The following PDE4D variants were observed in gnomAD, a reference collection of about 807,000 sequenced individuals.
The protein encoded by PDE4D is 3',5'-cyclic-AMP phosphodiesterase 4D.
In PDE4D, 24 loss-of-function variants were observed where a neutral mutation model predicts 87.4. The observed-to-expected ratio is 0.27, with a 90% CI of 0.20 to 0.39. The LOEUF (loss-of-function observed/expected upper bound fraction) is 0.39. Among genes scored for constraint, PDE4D ranks in the 10% least tolerant of loss-of-function variants. The pLI is 1.00. For missense variants in PDE4D, 714 were observed against 1,041.0 expected (o/e 0.69, Z 4.32); for synonymous variants, 384 against 383.2 (o/e 1.00, Z -0.02).
intron 1 of PDE4D, among the ~76,000 whole-genome samples, chr5:59,696,463 GAAAA>G (rs1465022573): frequency 2.0e-4 from 31 of 152,174 alleles, no homozygotes; most frequent in Non-Finnish European, 1.2e-4. Flanking sequence ...TATACAGCAT[GAAAA>G]AAAGTGACAA....
At chr5:59,302,001 T>G (rs964825599) in intron 1 of PDE4D, among the ~76,000 whole-genome samples, 1 of 152,126 alleles carries the variant, frequency 6.6e-6, no homozygotes, top group African/African-American at 2.4e-5. Context: ...AGTTTGGCCT[T>G]CCTTCGGGGA....
chr5:59,696,879 G>A (rs1751860187), intron 1 of PDE4D, among the ~76,000 whole-genome samples: 1 of 152,092 alleles, frequency 6.6e-6, no homozygotes, highest in Non-Finnish European at 1.5e-5. Context: ...TTGAAGGAAT[G>A]AAGGACTAAT....
intron 1 of PDE4D, among the ~76,000 whole-genome samples, chr5:59,751,116 TA>T (rs1457920798): frequency 3.3e-5 from 5 of 152,126 alleles, no homozygotes; most frequent in Admixed American, 6.6e-5. Context: ...CTTGGTGAGC[TA>T]GTGATAAAAT....
rs555724999 is a variant in PDE4D, at chr5:59,436,208, A to G, written c.456-220240T>C. Among the ~76,000 whole-genome samples the G allele has an allele frequency of 3.3e-5, 5 of 152,298 alleles. No individual in the cohort carries two copies. The South Asian group carries it at 1.0e-3, about 32-fold the overall frequency. On this transcript the variant is annotated intron_variant, in intron 1 of 14. Coordinates refer to ENST00000340635, the MANE Select transcript of PDE4D (RefSeq NM_001104631.2). ...ATTACACTTTGCAGTCTTACACACAATGGCTACAGTCAGAAGGAAATAACA... is the reference window on the plus strand; with the variant it reads ...ATTACACTTTGCAGTCTTACACACAGTGGCTACAGTCAGAAGGAAATAACA...
intron 5 of PDE4D, among the ~76,000 whole-genome samples, chr5:59,173,927 CT>C (rs1247899077): frequency 6.6e-6 from 1 of 152,090 alleles, no homozygotes; most frequent in African/African-American, 2.4e-5. Context: ...CTCTATATTT[CT>C]TTTTAAAAAA....
intron 1 of PDE4D, among the ~76,000 whole-genome samples, chr5:59,701,693 AAC>A (rs1752592365): frequency 6.6e-6 from 1 of 152,216 alleles, no homozygotes; most frequent in African/African-American, 2.4e-5. Flanking sequence ...CAAGAGGAGC[AAC>A]ACAGAGGTGA....
intron 1 of PDE4D, among the ~76,000 whole-genome samples, chr5:59,331,642 A>G (rs1776746570): frequency 6.6e-6 from 1 of 152,138 alleles, no homozygotes; most frequent in Admixed American, 6.5e-5. Context: ...AATCATTTTG[A>G]TAATCTATAG....
intron 2 of PDE4D, among the ~76,000 whole-genome samples, chr5:60,128,767 C>A (rs1779333678): frequency 6.6e-6 from 1 of 152,186 alleles, no homozygotes; most frequent in South Asian, 2.1e-4. Flanking sequence ...ATTTATCTCA[C>A]AGACCATGAT....
chr5:60,107,174 A>T (rs1284239330), intron 2 of PDE4D, among the ~76,000 whole-genome samples: 1 of 152,146 alleles, frequency 6.6e-6, no homozygotes, highest in Non-Finnish European at 1.5e-5. Flanking sequence ...GATAAAGGGA[A>T]TATCACCAAT....
chr5:60,139,590 A>T (rs1780343871), intron 2 of PDE4D, among the ~76,000 whole-genome samples: 1 of 152,096 alleles, frequency 6.6e-6, no homozygotes, highest in African/African-American at 2.4e-5. Flanking sequence ...AGAATAACTC[A>T]ATATATAACC....
At chr5:60,409,683 A>C (rs1287651857) in intron 1 of PDE4D, among the ~76,000 whole-genome samples, 1 of 152,244 alleles carries the variant, frequency 6.6e-6, no homozygotes, top group African/African-American at 2.4e-5. Context: ...GTTAATATTC[A>C]GCATCTGGCA....
intron 1 of PDE4D, among the ~76,000 whole-genome samples, chr5:60,216,824 A>G (rs1394158465): frequency 6.6e-6 from 1 of 152,104 alleles, no homozygotes; most frequent in Non-Finnish European, 1.5e-5. Flanking sequence ...AGAAAAATAG[A>G]CAGTTCTATA....
intron 2 of PDE4D, among the ~76,000 whole-genome samples, chr5:60,118,561 T>TCG (rs150441384): frequency 4.9e-5 from 7 of 144,210 alleles, no homozygotes; most frequent in African/African-American, 1.8e-4. Flanking sequence ...TGGATGTAGG[T>TCG]TGTGTGTGTG....
intron 1 of PDE4D, among the ~76,000 whole-genome samples, chr5:60,290,433 G>A (rs949623643): frequency 6.6e-6 from 1 of 152,026 alleles, no homozygotes; most frequent in African/African-American, 2.4e-5. Context: ...GACGAGCAGA[G>A]AATTAATGGT....
At chr5:60,460,734 G>A (rs1437764002) in intron 1 of PDE4D, 8 of 720,016 alleles carry the variant, frequency 1.1e-5, no homozygotes, top group Non-Finnish European at 1.9e-5. Context: ...GGCATTTGGG[G>A]GCCATGCTGC....
chr5:60,010,053 G>A (rs1268372370), intron 2 of PDE4D, among the ~76,000 whole-genome samples: 2 of 152,024 alleles, frequency 1.3e-5, no homozygotes, highest in Non-Finnish European at 2.9e-5. Context: ...AAGCCTCTGT[G>A]AAAGTAACAT....
intron 1 of PDE4D, among the ~76,000 whole-genome samples, chr5:59,333,548 C>A (rs1442831566): frequency 6.6e-6 from 1 of 152,058 alleles, no homozygotes; most frequent in Non-Finnish European, 1.5e-5. Flanking sequence ...GGCAAGAATC[C>A]CATTCATTTC....
chr5:59,167,564 CA>C (rs1228330789), intron 5 of PDE4D, among the ~76,000 whole-genome samples: 1 of 152,148 alleles, frequency 6.6e-6, no homozygotes, highest in Non-Finnish European at 1.5e-5. Context: ...ATTATTTTCC[CA>C]AACCATTTTC....
intron 1 of PDE4D, among the ~76,000 whole-genome samples, chr5:60,484,848 T>C (rs1422303491): frequency 6.6e-6 from 1 of 152,220 alleles, no homozygotes; most frequent in African/African-American, 2.4e-5. Flanking sequence ...CATTACAAAT[T>C]ACACATTACA....
Sources: allele counts gnomAD v4.1 joint callset (sites outside exome capture counted in the v4.1 genomes callset), GRCh38; gene constraint gnomAD v4.1.1; transcripts MANE v1.5; gene names NCBI Gene and HGNC (gene_info 2026-07-23, HGNC 2026-07-21).